PCDH15: variants seen among roughly 807,000 people sequenced by gnomAD.
The protein encoded by PCDH15 is protocadherin-15.
Under a neutral mutation model 178.5 loss-of-function variants are expected in PCDH15, and 129 were observed. The observed-to-expected ratio is 0.72, with a 90% CI of 0.63 to 0.84. The LOEUF (loss-of-function observed/expected upper bound fraction) is 0.84. Among genes scored for constraint, PCDH15 ranks in the 40% least tolerant of loss-of-function variants. The probability of loss-of-function intolerance (pLI) is 0.00; values close to 1 mark genes in which losing one functional copy is unlikely to be tolerated. For synonymous variants in PCDH15, 800 were observed against 732.0 expected (o/e 1.09, Z -1.50); for missense variants, 2,230 against 2,099.9 (o/e 1.06, Z -1.21).
rs16907497 is a variant in PCDH15 at position 55,512,091 on chromosome 10, A to C, written c.-156+115534T>G. ...AGTAAACAAACTTTAATAAGATGCA[A>C]TTAAAGAGGTGCTGGAAACGAGAGG... On this transcript the variant is annotated intron_variant, in intron 2 of 5. Transcript: ENST00000613346. Among the ~76,000 whole-genome samples the C allele has an allele frequency of 4.4e-3, 673 of 152,172 alleles. 5 individuals carry two copies. Among genetic ancestry groups the C allele is most frequent in the African/African-American group, 0.015 (643 of 41,560 alleles).
chr10:54,203,848 G>A (rs187610386), intron 10 of PCDH15, among the ~76,000 whole-genome samples: 147 of 152,152 alleles, frequency 9.7e-4, no homozygotes, highest in Non-Finnish European at 1.8e-3. Flanking sequence ...AATGATTCAC[G>A]CATATCCCTT....
intron 2 of PCDH15, among the ~76,000 whole-genome samples, chr10:54,620,805 T>C (rs969488273): frequency 6.6e-6 from 1 of 152,086 alleles, no homozygotes; most frequent in African/African-American, 2.4e-5. Context: ...CAGTCTATGT[T>C]TCCATTGTCA....
chr10:54,983,545 G>C (rs1313685528), intron 2 of PCDH15, among the ~76,000 whole-genome samples: 2 of 152,076 alleles, frequency 1.3e-5, no homozygotes, highest in African/African-American at 4.8e-5. Context: ...CCAGGCCTGA[G>C]AAGAAATAGT....
chr10:54,881,326 C>T (rs1954258872), intron 3 of PCDH15, among the ~76,000 whole-genome samples: 1 of 152,106 alleles, frequency 6.6e-6, no homozygotes, highest in East Asian at 1.9e-4. Flanking sequence ...TGCCTCTTCT[C>T]TGCTTTAAGG....
chr10:54,735,498 C>T (rs1943980634), intron 1 of PCDH15, among the ~76,000 whole-genome samples: 1 of 150,106 alleles, frequency 6.7e-6, no homozygotes, highest in African/African-American at 2.5e-5. Context: ...CCATTTGACC[C>T]AGCCATCTCA....
At chr10:54,304,208 A>G (rs1177946704) in intron 8 of PCDH15, among the ~76,000 whole-genome samples, 1 of 152,052 alleles carries the variant, frequency 6.6e-6, no homozygotes, top group Non-Finnish European at 1.5e-5. Flanking sequence ...TTTCCCGTTA[A>G]ATTAACACTG....
intron 3 of PCDH15, among the ~76,000 whole-genome samples, chr10:54,838,087 G>T (rs902361086): frequency 1.6e-4 from 24 of 151,732 alleles, no homozygotes; most frequent in Admixed American, 3.3e-4. Flanking sequence ...CTTGAAGGAG[G>T]TTCACCTAAC....
At chr10:55,278,502 G>A (rs1309321500) in intron 1 of PCDH15, among the ~76,000 whole-genome samples, 1 of 152,042 alleles carries the variant, frequency 6.6e-6, no homozygotes, top group Admixed American at 6.6e-5. Flanking sequence ...TAGGATTACA[G>A]GCATGAGCCA....
At chr10:55,115,413 GAAC>G (rs1213216044) in intron 2 of PCDH15, among the ~76,000 whole-genome samples, 1 of 152,174 alleles carries the variant, frequency 6.6e-6, no homozygotes, top group African/African-American at 2.4e-5. Context: ...TTCAGCGTTG[GAAC>G]AACAAGAATA....
At chr10:54,522,509 C>G (rs917117672) in intron 3 of PCDH15, among the ~76,000 whole-genome samples, 1 of 152,140 alleles carries the variant, frequency 6.6e-6, no homozygotes, top group Non-Finnish European at 1.5e-5. Flanking sequence ...CAGTTTTGCT[C>G]TAATGTAATT....
intron 2 of PCDH15, among the ~76,000 whole-genome samples, chr10:54,962,662 G>A (rs939779401): frequency 9.2e-5 from 14 of 152,292 alleles, no homozygotes; most frequent in South Asian, 6.2e-4. Flanking sequence ...CACCTGTGCC[G>A]GCTCCTGGAG....
intron 31 of PCDH15, among the ~76,000 whole-genome samples, chr10:53,827,953 G>A (rs2076792275): frequency 6.6e-6 from 1 of 151,962 alleles, no homozygotes; most frequent in African/African-American, 2.4e-5. Flanking sequence ...AAAGTTATTT[G>A]AAATGATTTG....
At chr10:54,483,459 A>T (rs999687180) in intron 3 of PCDH15, among the ~76,000 whole-genome samples, 32 of 151,970 alleles carry the variant, frequency 2.1e-4, no homozygotes, top group African/African-American at 6.5e-4. Context: ...TTTTCATTTT[A>T]GGAATCTTCC....
intron 2 of PCDH15, among the ~76,000 whole-genome samples, chr10:55,586,865 T>C (rs951170071): frequency 5.9e-5 from 9 of 152,244 alleles, no homozygotes; most frequent in African/African-American, 2.2e-4. Context: ...TTATTTGCAA[T>C]AGAAGTGTAT....
intron 2 of PCDH15, among the ~76,000 whole-genome samples, chr10:55,000,615 G>T (rs1226734301): frequency 6.6e-6 from 1 of 152,182 alleles, no homozygotes; most frequent in Admixed American, 6.5e-5. Flanking sequence ...AATCACAAGG[G>T]TATTGATTGG....
chr10:54,153,598 C>T (rs2044786633), intron 13 of PCDH15, among the ~76,000 whole-genome samples: 1 of 152,124 alleles, frequency 6.6e-6, no homozygotes, highest in South Asian at 2.1e-4. Flanking sequence ...AAAGCCCTAA[C>T]AGAAAATCTA....
upstream of PCDH15, among the ~76,000 whole-genome samples, chr10:55,321,491 G>C (rs1373877927): frequency 1.3e-5 from 2 of 152,114 alleles, no homozygotes; most frequent in East Asian, 1.9e-4. Context: ...TTCAAATTCA[G>C]TAAATGCAAA....
Position 54,446,985 on chromosome 10 carries a change from A to G in PCDH15, c.158-68043T>C, listed in dbSNP as rs1378164139. ...TGTTATCAGAGATTAAAGAAACACAAACTTCCCCATTGGTTCCCTAAAACT... is the reference window on the plus strand; with the variant it reads ...TGTTATCAGAGATTAAAGAAACACAGACTTCCCCATTGGTTCCCTAAAACT... On this transcript the variant is annotated intron_variant, in intron 3 of 37. Coordinates refer to ENST00000644397, the MANE Select transcript of PCDH15 (RefSeq NM_001384140.1). Among the ~76,000 whole-genome samples, 5 of 151,578 alleles carry G rather than the reference A, an allele frequency of 3.3e-5. 1 individual carries two copies. The highest frequency in any genetic ancestry group is 4.1e-4 in the South Asian group (2 of 4,828).
chr10:55,247,036 T>C (rs372202910), intron 1 of PCDH15, among the ~76,000 whole-genome samples: 19 of 152,160 alleles, frequency 1.2e-4, no homozygotes, highest in Admixed American at 4.6e-4. Flanking sequence ...TATGCAAACA[T>C]AGATTCATAC....
Sources: allele counts gnomAD v4.1 joint callset (sites outside exome capture counted in the v4.1 genomes callset), GRCh38; gene constraint gnomAD v4.1.1; transcripts MANE v1.5; gene names NCBI Gene and HGNC (gene_info 2026-07-23, HGNC 2026-07-21).